NELL2: variants seen among roughly 807,000 people sequenced by gnomAD.
NELL2 encodes the protein protein kinase C-binding protein NELL2.
Under a neutral mutation model 109.6 loss-of-function variants are expected in NELL2, and 41 were observed. The observed-to-expected ratio is 0.37, with a 90% CI of 0.29 to 0.49. NELL2 has a LOEUF of 0.49. NELL2 is among the 20% of genes least tolerant of loss of function. NELL2 has a pLI of 0.98. For missense variants in NELL2, 900 were observed against 1,008.3 expected (o/e 0.89, Z 1.45); for synonymous variants, 355 against 344.7 (o/e 1.03, Z -0.33).
At chr12:44,523,030 C>T in intron 17 of NELL2, 5 of 479,866 alleles carry the variant, frequency 1.0e-5, no homozygotes, top group Non-Finnish European at 1.9e-5. Context: ...TACTATAAAA[C>T]TCCATTTATA....
chr12:44,743,423 A>C (rs1416669435), intron 9 of NELL2, among the ~76,000 whole-genome samples: 1 of 152,190 alleles, frequency 6.6e-6, no homozygotes, highest in Non-Finnish European at 1.5e-5. Context: ...CTAACATCAT[A>C]ATGACAGGAT....
At position 44,777,253 on chromosome 12, in the gene NELL2, T is replaced by C; in HGVS notation, c.668A>G (p.Asp223Gly). 1 of 1,613,740 alleles carries C rather than the reference T, an allele frequency of 6.2e-7. No individual in the cohort carries two copies. Among genetic ancestry groups the C allele is most frequent in the Non-Finnish European group, 8.5e-7 (1 of 1,179,646 alleles). Residue 223 changes from aspartate to glycine, a missense_variant, in exon 6 of 20, where the codon GAT becomes GGT. Physicochemically the swap from Asp to Gly is moderately conservative, Grantham distance 94. Around this residue, in one of 4 missense-constraint regions of NELL2, gnomAD observed 75 missense variants for 118.9 expected, o/e 0.63. Transcript: ENST00000429094. ...MPQGFIAQCP[D>G]LNRTCPTCND... ...ACTAATAGACTTACTGCGATTAAGA[T>C]CTGGGCACTGAGCAATAAATCCCTG...
intron 9 of NELL2, among the ~76,000 whole-genome samples, chr12:44,745,226 A>G (rs1217948911): frequency 1.3e-5 from 2 of 151,592 alleles, no homozygotes; most frequent in Non-Finnish European, 2.9e-5. Flanking sequence ...ACAGATGCAG[A>G]AAAGGCCTTT....
Position 44,703,098 on chromosome 12 carries a change from T to G in NELL2, c.1318+628A>C, listed in dbSNP as rs374900721. Among the ~76,000 whole-genome samples the G allele has an allele frequency of 7.2e-5, 11 of 152,284 alleles. No individual in the cohort carries two copies. The East Asian group carries it at 2.1e-3, about 29-fold the overall frequency. ...TCCATACCTCAGGGAAATCATAAAT[T>G]ACCACATCTCATGGACTTCGTCAGG... On this transcript the variant is annotated intron_variant, in intron 12 of 19. Transcript: ENST00000429094.
chr12:44,750,297 T>G (rs766664121), intron 9 of NELL2, among the ~76,000 whole-genome samples: 1 of 152,132 alleles, frequency 6.6e-6, no homozygotes, highest in Non-Finnish European at 1.5e-5. Context: ...ACCTAGCAGG[T>G]AGACAGATAG....
intron 5 of NELL2, among the ~76,000 whole-genome samples, chr12:44,778,386 A>G (rs924848117): frequency 1.3e-5 from 2 of 152,028 alleles, no homozygotes; most frequent in African/African-American, 4.8e-5. Context: ...TTGTGTACCA[A>G]CTCCTATCAC....
intron 2 of NELL2, among the ~76,000 whole-genome samples, chr12:44,817,039 T>C (rs2136687739): frequency 6.6e-6 from 1 of 152,374 alleles, no homozygotes; most frequent in East Asian, 1.9e-4. Context: ...CTCTTTCCTA[T>C]GCTTGTCTAG....
In NELL2 at chr12:44,695,824, AT is replaced by A. The variant is rs1261042768; in HGVS notation, c.1318+7901del. On this transcript the variant is annotated intron_variant, in intron 12 of 19. Transcript: ENST00000429094. ...TCCAAAAAAATTTAAAAATAAAAAA[AT>A]AAAAATAAATTAGCCAGGCATGGTG... Among the ~76,000 whole-genome samples, 3 of 152,164 alleles carry A rather than the reference AT, an allele frequency of 2.0e-5. No individual in the cohort carries two copies. In the East Asian group the frequency reaches 5.8e-4, roughly 29 times the overall value.
intron 2 of NELL2, among the ~76,000 whole-genome samples, chr12:44,866,201 T>C (rs1944995044): frequency 6.6e-6 from 1 of 152,172 alleles, no homozygotes; most frequent in African/African-American, 2.4e-5. Flanking sequence ...CTTCTTAGCC[T>C]CCAGAATTGT....
In NELL2 at chr12:44,523,453, G is replaced by C. The variant is rs1308179129; in HGVS notation, c.1836C>G (p.Ser612Arg). Residue 612 changes from serine (S) to arginine (R), a missense_variant, in exon 17 of 20, where the codon AGC becomes AGG. Ser to Arg is a moderately radical substitution (Grantham distance 110, BLOSUM62 -1). Around this residue, in one of 4 missense-constraint regions of NELL2, gnomAD observed 333 missense variants for 432.3 expected, o/e 0.77. Coordinates refer to ENST00000429094, the MANE Select transcript of NELL2 (RefSeq NM_001145108.2). ...TGAAGCAAATGGTATCATTGGCACA[G>C]CTGTGCCTCCCGGTCCCACACTCAT... ...DIDECGTGRH[S>R]CANDTICFNL... 3.1e-6 allele frequency: 5 copies of C among 1,613,782 alleles called. No homozygotes were observed. The East Asian group carries it at 1.1e-4, about 36-fold the overall frequency.
chr12:44,653,253 CA>C (rs948360119), intron 13 of NELL2, among the ~76,000 whole-genome samples: 1 of 152,060 alleles, frequency 6.6e-6, no homozygotes, highest in African/African-American at 2.4e-5. Flanking sequence ...GTTATAAAAA[CA>C]ACATATAAGG....
intron 2 of NELL2, among the ~76,000 whole-genome samples, chr12:44,844,016 T>G (rs1418906398): frequency 6.6e-6 from 1 of 152,156 alleles, no homozygotes; most frequent in Non-Finnish European, 1.5e-5. Flanking sequence ...AGTGAGACCC[T>G]GTCTCAAAAA....
At chr12:44,746,811 G>A (rs1165643444) in intron 9 of NELL2, among the ~76,000 whole-genome samples, 6 of 152,180 alleles carry the variant, frequency 3.9e-5, no homozygotes, top group Non-Finnish European at 8.8e-5. Context: ...AGGTGCTGGA[G>A]AGGATGTGGA....
chr12:44,535,493 A>G (rs755905928), intron 15 of NELL2, among the ~76,000 whole-genome samples: 3 of 152,048 alleles, frequency 2.0e-5, no homozygotes, highest in Non-Finnish European at 4.4e-5. Flanking sequence ...TTCTGCCCTC[A>G]GTTAGTTTAT....
rs149209089 is a variant in NELL2, at chr12:44,773,677, T to C, written c.994+1070A>G. Among the ~76,000 whole-genome samples, 222 of 152,316 alleles carry C rather than the reference T, an allele frequency of 1.5e-3. 6 individuals are homozygous for C. In the East Asian group the frequency reaches 0.039, roughly 26 times the overall value. On this transcript the variant is annotated intron_variant, in intron 9 of 19. Coordinates refer to ENST00000429094, the MANE Select transcript of NELL2 (RefSeq NM_001145108.2). Reference sequence around the variant, plus strand: ...ATTATTTCTCACCAAGGAAATTAGCTAGTGACATGTAAGAAAAATTGTATT... The same window carrying C: ...ATTATTTCTCACCAAGGAAATTAGCCAGTGACATGTAAGAAAAATTGTATT...
intron 11 of NELL2, among the ~76,000 whole-genome samples, chr12:44,705,376 T>C (rs779886012): frequency 6.6e-6 from 1 of 152,120 alleles, no homozygotes; most frequent in Non-Finnish European, 1.5e-5. Flanking sequence ...GTTTATTAAG[T>C]CCAGAAAAAT....
intron 2 of NELL2, among the ~76,000 whole-genome samples, chr12:44,837,190 A>G (rs962508200): frequency 2.0e-5 from 3 of 152,164 alleles, no homozygotes; most frequent in African/African-American, 7.2e-5. Context: ...TGTTGGTACT[A>G]TTAGTGTCCT....
chr12:44,690,934 T>C (rs768241560), intron 12 of NELL2, among the ~76,000 whole-genome samples: 17 of 152,292 alleles, frequency 1.1e-4, no homozygotes, highest in South Asian at 1.0e-3. Flanking sequence ...ATATCACTAA[T>C]TGATGACTTA....
chr12:44,605,827 G>A (rs1407629545), intron 15 of NELL2, among the ~76,000 whole-genome samples: 1 of 152,132 alleles, frequency 6.6e-6, no homozygotes, highest in African/African-American at 2.4e-5. Flanking sequence ...TTGATGTGCA[G>A]GAGGTCCACA....
Sources: allele counts gnomAD v4.1 joint callset (sites outside exome capture counted in the v4.1 genomes callset), GRCh38; gene constraint gnomAD v4.1.1; regional missense constraint gnomAD v4.1.1; transcripts MANE v1.5; gene names NCBI Gene and HGNC (gene_info 2026-07-23, HGNC 2026-07-21).